Variants in ARFGEF2 observed in about 807,000 individuals in gnomAD.
ARFGEF2 encodes brefeldin A-inhibited guanine nucleotide-exchange protein 2.
In ARFGEF2, 74 loss-of-function variants were observed where a neutral mutation model predicts 219.9. The observed-to-expected ratio is 0.34, with a 90% CI of 0.28 to 0.41. The LOEUF (loss-of-function observed/expected upper bound fraction) is 0.41, where lower values mean the gene tolerates loss of function less well. ARFGEF2 is among the 10% of genes least tolerant of loss of function. ARFGEF2 has a pLI of 1.00. For missense variants in ARFGEF2, 1,743 were observed against 2,218.3 expected, an observed-to-expected ratio of 0.79 and a Z score of 4.30; for synonymous variants, 733 against 799.2, an observed-to-expected ratio of 0.92 and a Z score of 1.40.
intron 27 of ARFGEF2, 29 bp from the exon 28 acceptor site, chr20:49,011,895 T>TAA: frequency 1.2e-6 from 2 of 1,614,014 alleles, no homozygotes. Context: ...ATCCTGGTCT[T>TAA]ATGAAAAATG....
At chr20:49,025,727 A>G (rs1035256893) in intron 36 of ARFGEF2, among the ~76,000 whole-genome samples, 1 of 152,136 alleles carries the variant, frequency 6.6e-6, no homozygotes, top group East Asian at 1.9e-4. Context: ...TAATCCCAAC[A>G]CTTTGGGAGG....
intron 1 of ARFGEF2, among the ~76,000 whole-genome samples, chr20:48,935,766 G>A (rs1355577985): frequency 6.8e-6 from 1 of 147,642 alleles, no homozygotes; most frequent in Non-Finnish European, 1.5e-5. Context: ...CTGGCTGGGC[G>A]GGGGGCTGAC....
At chr20:49,000,375 A>G (rs1400796057) in intron 25 of ARFGEF2, among the ~76,000 whole-genome samples, 1 of 152,224 alleles carries the variant, frequency 6.6e-6, no homozygotes, top group Non-Finnish European at 1.5e-5. Flanking sequence ...AACTGATGGG[A>G]AAGGATCAAG....
chr20:49,033,119 C>G lies in ARFGEF2; in HGVS notation c.5278C>G (p.Leu1760Val). The change falls in exon 39 of 39, where the codon CTA becomes GTA. Residue 1760 changes from leucine (L) to valine (V), a missense_variant. This residue lies in a region of ARFGEF2 where 578 missense variants were observed against 664.0 expected (regional missense o/e 0.87). Coordinates refer to ENST00000371917, the MANE Select transcript of ARFGEF2 (RefSeq NM_006420.3). Reference protein sequence around the residue: ...ELRAVLRKFFLRIGVVYKIWI... With the variant: ...ELRAVLRKFFVRIGVVYKIWI... ...CCGAGCAGTTCTGCGGAAGTTCTTCCTACGGATAGGTGTTGTGTATAAGAT... is the reference window on the plus strand; with the variant it reads ...CCGAGCAGTTCTGCGGAAGTTCTTCGTACGGATAGGTGTTGTGTATAAGAT... 6.2e-7 allele frequency: 1 copy of G among 1,614,188 alleles called. No homozygotes were observed. Among genetic ancestry groups the G allele is most frequent in the Non-Finnish European group, 8.5e-7 (1 of 1,180,032 alleles).
intron 38 of ARFGEF2, 44 bp downstream of exon 38, chr20:49,032,210 G>A (rs1266747103): frequency 1.4e-6 from 2 of 1,446,472 alleles, no homozygotes; most frequent in African/African-American, 2.8e-5. Context: ...AGGACATAAA[G>A]TTTGGGTTGG....
chr20:48,990,063 C>T (rs532448746), intron 20 of ARFGEF2, among the ~76,000 whole-genome samples: 5 of 152,232 alleles, frequency 3.3e-5, no homozygotes, highest in African/African-American at 1.2e-4. Context: ...CCTATAATCC[C>T]AGCTACTCGG....
chr20:48,984,551 A>G (rs961147814), intron 14 of ARFGEF2, among the ~76,000 whole-genome samples, 178 bp from the exon 15 acceptor site: 5 of 152,232 alleles, frequency 3.3e-5, no homozygotes, highest in Admixed American at 6.5e-5. Context: ...GACCAGGTAT[A>G]GCTGGGTCAG....
chr20:48,973,010 T>C (rs1427694659), intron 11 of ARFGEF2, 135 bp from the exon 12 acceptor site: 3 of 939,082 alleles, frequency 3.2e-6, no homozygotes, highest in East Asian at 5.0e-5. Flanking sequence ...ACTTCCAACA[T>C]GTGTTTCCTG....
intron 14 of ARFGEF2, among the ~76,000 whole-genome samples, chr20:48,980,109 G>A (rs935144250): frequency 1.3e-5 from 2 of 152,028 alleles, no homozygotes; most frequent in Non-Finnish European, 2.9e-5. Flanking sequence ...GCTTTCTCTT[G>A]TGGGCATTTA....
In ARFGEF2 at chr20:49,010,214, G is replaced by A. The variant is rs370630722; in HGVS notation, c.3585-18G>A. 2.5e-5 allele frequency: 41 copies of A among 1,610,926 alleles called. No individual in the cohort carries two copies. The highest frequency in any genetic ancestry group is 1.7e-4 in the Middle Eastern group (1 of 5,906). On this transcript the variant is annotated intron_variant, in intron 26 of 38. Transcript: ENST00000371917. ...TCTCCAAAGTACAGACGATATGGCC[G>A]TCCCATTCTTTCCTCAGGTCTCCCA...
At chr20:48,988,810 G>A (rs1568723805) in intron 18 of ARFGEF2, 148 bp downstream of exon 18, 1 of 801,106 alleles carries the variant, frequency 1.2e-6, no homozygotes, top group Non-Finnish European at 2.0e-6. Context: ...GATTATGTTG[G>A]GACTTTTATA....
intron 3 of ARFGEF2, among the ~76,000 whole-genome samples, chr20:48,947,958 C>T (rs1206967605): frequency 6.6e-6 from 1 of 152,130 alleles, no homozygotes; most frequent in Non-Finnish European, 1.5e-5. Flanking sequence ...CTAACATTTT[C>T]TTTTTACATC....
intron 23 of ARFGEF2, among the ~76,000 whole-genome samples, 159 bp downstream of exon 23, chr20:48,996,041 G>A (rs563035134): frequency 7.5e-4 from 114 of 152,254 alleles, no homozygotes; most frequent in African/African-American, 2.7e-3. Context: ...TGACCTTTTA[G>A]AAAAGGTATA....
At chr20:48,925,220 G>T (rs2090869465) in intron 1 of ARFGEF2, among the ~76,000 whole-genome samples, 1 of 152,162 alleles carries the variant, frequency 6.6e-6, no homozygotes, top group South Asian at 2.1e-4. Flanking sequence ...TACACCAAAA[G>T]CATAAATAGG....
rs2091449014 is a variant in ARFGEF2, at chr20:49,005,006, G to T, written c.3433-64G>T. 4.4e-6 allele frequency: 7 copies of T among 1,590,336 alleles called. No individual in the cohort carries two copies. The East Asian group carries it at 1.6e-4, about 36-fold the overall frequency. ...AGGTAGGCTGTCCATCTTTGCTGTT[G>T]AGAGACCCACGTCGGTCATTATTAC... is the stretch of plus-strand genomic sequence containing the variant. On this transcript the variant is annotated intron_variant, in intron 25 of 38. Transcript: ENST00000371917.
At chr20:48,942,205 A>G (rs922542865) in intron 3 of ARFGEF2, among the ~76,000 whole-genome samples, 6 of 152,188 alleles carry the variant, frequency 3.9e-5, no homozygotes, top group African/African-American at 1.4e-4. Context: ...TCCCCTAGAA[A>G]TATCTTATTT....
intron 9 of ARFGEF2, among the ~76,000 whole-genome samples, chr20:48,969,769 A>G (rs1454275838): frequency 1.3e-5 from 2 of 152,258 alleles, no homozygotes; most frequent in Non-Finnish European, 2.9e-5. Flanking sequence ...GAGGCTTCAG[A>G]GCCAGAGAGA....
intron 3 of ARFGEF2, 24 bp downstream of exon 3, chr20:48,942,011 G>A (rs1424868117): frequency 6.2e-7 from 1 of 1,613,788 alleles, no homozygotes; most frequent in Admixed American, 1.7e-5. Flanking sequence ...ACTTCGTGTT[G>A]TCAAGGGGGT....
chr20:49,029,620 C>G (rs912714951), intron 37 of ARFGEF2, among the ~76,000 whole-genome samples: 2 of 149,910 alleles, frequency 1.3e-5, no homozygotes, highest in African/African-American at 4.9e-5. Context: ...GAGACGGAGT[C>G]TTGCTCTGTC....
Sources: allele counts gnomAD v4.1 joint callset (sites outside exome capture counted in the v4.1 genomes callset), GRCh38; gene constraint gnomAD v4.1.1; regional missense constraint gnomAD v4.1.1; transcripts MANE v1.5; gene names NCBI Gene and HGNC (gene_info 2026-07-23, HGNC 2026-07-21).